Variants in LEPROTL1 observed in about 807,000 individuals in gnomAD.
The protein encoded by LEPROTL1 is leptin receptor overlapping transcript like 1, also known as leptin receptor overlapping transcript-like 1.
A neutral mutation model predicts 15.4 loss-of-function variants in LEPROTL1; 6 were observed. That is an observed-to-expected ratio of 0.39 (90% confidence interval 0.21 to 0.77). The LOEUF is 0.77. Ranked by LOEUF, LEPROTL1 falls within the 30% of genes least tolerant of loss-of-function variation. LEPROTL1 has a pLI of 0.41. For synonymous variants in LEPROTL1, 56 were observed against 52.6 expected, an observed-to-expected ratio of 1.06 and a Z score of -0.28; for missense variants, 128 against 158.1, an observed-to-expected ratio of 0.81 and a Z score of 1.02.
At chr8:30,102,432 C>T (rs998997848) in intron 2 of LEPROTL1, among the ~76,000 whole-genome samples, 11 of 152,032 alleles carry the variant, frequency 7.2e-5, no homozygotes, top group Non-Finnish European at 1.3e-4. Context: ...GGGAGGATTG[C>T]CTGAGGTCAG....
chr8:30,106,581 T>G lies in LEPROTL1; in HGVS notation c.*719T>G. 1 of 983,504 alleles carries G rather than the reference T, an allele frequency of 1.0e-6. No homozygotes were observed. The highest frequency in any genetic ancestry group is 1.2e-6 in the Non-Finnish European group (1 of 828,286). The allele number at this position is 983,504 out of a possible 1,614,324, so 60.9% of individuals were successfully genotyped here. ...TTTATGTTAAACTTTAAGGTAAGGG[T>G]GTAAAAACATTTTTGAGATAAGGTT... On this transcript the variant is annotated 3_prime_UTR_variant, in exon 4 of 4. Coordinates refer to ENST00000321250, the MANE Select transcript of LEPROTL1 (RefSeq NM_015344.3).
intron 4 of LEPROTL1, chr8:30,132,875 A>G (rs1368308597): frequency 6.5e-7 from 1 of 1,531,362 alleles, no homozygotes; most frequent in Non-Finnish European, 8.8e-7. Flanking sequence ...CTCTGGGTCA[A>G]GAGCATGAGA....
intron 2 of LEPROTL1, among the ~76,000 whole-genome samples, chr8:30,102,196 T>A (rs903349036): frequency 6.6e-6 from 1 of 152,226 alleles, no homozygotes. Flanking sequence ...TCACTACTGC[T>A]GAGTCTGCAG....
At chr8:30,098,063 C>T (rs1237469444) in intron 1 of LEPROTL1, among the ~76,000 whole-genome samples, 2 of 152,058 alleles carry the variant, frequency 1.3e-5, no homozygotes, top group South Asian at 2.1e-4. Context: ...CGGAGATTAC[C>T]GTGAACATGC....
At chr8:30,134,734 G>C (rs1452677057) in intron 4 of LEPROTL1, among the ~76,000 whole-genome samples, 1 of 152,074 alleles carries the variant, frequency 6.6e-6, no homozygotes, top group Non-Finnish European at 1.5e-5. Context: ...TTTTAGTAGA[G>C]ACAGGGTTTC....
intron 3 of LEPROTL1, among the ~76,000 whole-genome samples, chr8:30,127,077 G>T (rs1369499028): frequency 1.3e-5 from 2 of 152,000 alleles, no homozygotes; most frequent in Admixed American, 1.3e-4. Flanking sequence ...TATGCTGACA[G>T]ATGACCTGAG....
At chr8:30,097,657 G>A (rs1164516670) in intron 1 of LEPROTL1, among the ~76,000 whole-genome samples, 1 of 115,038 alleles carries the variant, frequency 8.7e-6, no homozygotes, top group Non-Finnish European at 1.7e-5. Flanking sequence ...GGGCAACAGA[G>A]TGAGACTCTG....
downstream of LEPROTL1, among the ~76,000 whole-genome samples, chr8:30,112,431 TG>T (rs1197319340): frequency 1.9e-3 from 242 of 130,778 alleles, 1 homozygote; most frequent in African/African-American, 7.0e-3. Context: ...TTTTTTTTTT[TG>T]GATTTTTGGT....
chr8:30,133,141 T>C (rs1158960328), intron 4 of LEPROTL1, among the ~76,000 whole-genome samples: 1 of 152,186 alleles, frequency 6.6e-6, no homozygotes, highest in African/African-American at 2.4e-5. Context: ...GATCTGAAAC[T>C]CCTGGGCTTA....
chr8:30,121,580 T>G (rs1802831300), intron 3 of LEPROTL1, among the ~76,000 whole-genome samples: 1 of 152,142 alleles, frequency 6.6e-6, no homozygotes. Flanking sequence ...AATAAACTCA[T>G]GAGATGACTT....
chr8:30,117,045 A>G (rs1802752352), intron 3 of LEPROTL1, among the ~76,000 whole-genome samples: 1 of 152,216 alleles, frequency 6.6e-6, no homozygotes, highest in Non-Finnish European at 1.5e-5. Context: ...GAGATGTGTG[A>G]GTAGAGGAAA....
chr8:30,118,200 T>C (rs1222110837), intron 3 of LEPROTL1, among the ~76,000 whole-genome samples: 10 of 151,936 alleles, frequency 6.6e-5, no homozygotes, highest in Admixed American at 6.6e-4. Flanking sequence ...AATTTTTGTA[T>C]TTTTAGTAGA....
At chr8:30,117,989 AAAAAAATCTGTATAT>A (rs1408321158) in intron 3 of LEPROTL1, among the ~76,000 whole-genome samples, 3 of 151,650 alleles carry the variant, frequency 2.0e-5, no homozygotes, top group South Asian at 4.2e-4. Flanking sequence ...ACTGTTTGGG[AAAAAAATCTGTATAT>A]ATATTTTTTG....
chr8:30,130,414 A>G (rs1360902448), intron 3 of LEPROTL1, among the ~76,000 whole-genome samples: 1 of 152,268 alleles, frequency 6.6e-6, no homozygotes, highest in African/African-American at 2.4e-5. Context: ...TGGTAATTAC[A>G]TAACAGTACA....
At position 30,132,620 on chromosome 8, in the gene LEPROTL1, G is replaced by T. The variant is rs530929110; in HGVS notation, c.394+131G>T. 95 of 1,551,744 alleles carry T rather than the reference G, an allele frequency of 6.1e-5. 1 individual carries two copies. The South Asian group carries it at 1.1e-3, about 18-fold the overall frequency. ...TTTAGGCATTCTAGTCCAAGAATCT[G>T]CAGACCCCTCCAGCTCAGAGCCCAG... On this transcript the variant is annotated intron_variant, in intron 4 of 4. Coordinates refer to the LEPROTL1 transcript ENST00000442880.
At chr8:30,134,692 T>G (rs978883816) in intron 4 of LEPROTL1, among the ~76,000 whole-genome samples, 1 of 150,924 alleles carries the variant, frequency 6.6e-6, no homozygotes, top group African/African-American at 2.4e-5. Flanking sequence ...GAATTACAGG[T>G]GCACGCCACC....
chr8:30,137,234 C>A, intron 4 of LEPROTL1: 2 of 1,466,866 alleles, frequency 1.4e-6, no homozygotes, highest in South Asian at 1.2e-5. Context: ...GACAACACTT[C>A]TCTAGACTGT....
intron 1 of LEPROTL1, among the ~76,000 whole-genome samples, chr8:30,100,459 AT>A (rs886436686): frequency 1.3e-5 from 2 of 151,960 alleles, no homozygotes; most frequent in Admixed American, 6.6e-5. Context: ...TTATTTATTT[AT>A]TTTTTTTGAG....
At chr8:30,095,900 G>A (rs575730365) in intron 1 of LEPROTL1, 84 of 699,490 alleles carry the variant, frequency 1.2e-4, no homozygotes, top group African/African-American at 1.0e-3. Context: ...CAGGCAGAGC[G>A]TGGGATTGAG....
Sources: allele counts gnomAD v4.1 joint callset (sites outside exome capture counted in the v4.1 genomes callset), GRCh38; gene constraint gnomAD v4.1.1; transcripts MANE v1.5; gene names NCBI Gene and HGNC (gene_info 2026-07-23, HGNC 2026-07-21).